SPTBN5: variants seen among roughly 807,000 people sequenced by gnomAD.
SPTBN5 encodes the protein spectrin beta, non-erythrocytic 5, also known as spectrin beta chain, non-erythrocytic 5.
A neutral mutation model predicts 477.6 loss-of-function variants in SPTBN5; 513 were observed. The ratio of observed to expected loss-of-function variants is 1.07; its 90% CI spans 1.00 to 1.16. The LOEUF (loss-of-function observed/expected upper bound fraction) is 1.16, where lower values mean the gene tolerates loss of function less well. Among genes scored for constraint, SPTBN5 ranks in the 50% most tolerant of loss-of-function variants. SPTBN5 has a pLI of 0.00. For missense variants in SPTBN5, 5,062 were observed against 4,731.8 expected (o/e 1.07, Z -2.05); for synonymous variants, 2,169 against 2,011.7 (o/e 1.08, Z -2.09).
rs1222090756 is a variant in SPTBN5, at chr15:41,874,480, TAGG to T, written c.4503-5_4503-3del. 3.1e-6 allele frequency: 5 copies of T among 1,600,934 alleles called. No individual in the cohort carries two copies. Among genetic ancestry groups the T allele is most frequent in the Middle Eastern group, 2.0e-4 (1 of 5,038 alleles). On this transcript the variant is annotated splice_region_variant and splice_polypyrimidine_tract_variant and intron_variant, in intron 23 of 67. Transcript: ENST00000320955. ...AGATGCCCCTGCAGAAGCTCCAGCC[TAGG>T]AGGAGGAGGAAGAGATTGGAGAGGT...
chr15:41,883,216 A>ACCTGGCCGGCT lies in SPTBN5; in HGVS notation c.1661_1671dup (p.Thr559ArgfsTer35). On this transcript the variant is annotated frameshift_variant, in exon 9 of 68. Transcript: ENST00000320955. LOFTEE classifies it high-confidence loss of function. The stretch of plus-strand genomic sequence containing the variant: ...GCCAGCTGCTGCCCACAGGCGGTGG[A>ACCTGGCCGGCT]CCTGGCCGGCTCCTGGCCAGAGATG... The ACCTGGCCGGCT allele has an allele frequency of 2.5e-6, 4 of 1,610,304 alleles. No homozygotes were observed. In the East Asian group the frequency reaches 8.9e-5, roughly 36 times the overall value.
rs764727047 is a variant in SPTBN5, at chr15:41,856,945, T to C, written c.8716A>G (p.Met2906Val). The C allele has an allele frequency of 2.5e-6, 4 of 1,583,016 alleles. No homozygotes were observed. The African/African-American group carries it at 4.0e-5, about 16-fold the overall frequency. The change falls in exon 52 of 68, where the codon ATG becomes GTG. Residue 2906 changes from methionine (M) to valine (V), a missense_variant. Met to Val is a conservative substitution (Grantham distance 21). Transcript: ENST00000320955. Reference sequence around the variant, plus strand: ...GGCAGCTTCTCCTGCACCCAGGCCATTTCCTCGTCGGCGTCCCTGAAGAAC... The same window carrying C: ...GGCAGCTTCTCCTGCACCCAGGCCACTTCCTCGTCGGCGTCCCTGAAGAAC... ...LKFFRDADEE[M>V]AWVQEKLPLA... is the part of the protein sequence containing the mutation.
intron 39 of SPTBN5, among the ~76,000 whole-genome samples, chr15:41,864,404 C>A (rs2066227571): frequency 6.6e-6 from 1 of 152,208 alleles, no homozygotes; most frequent in African/African-American, 2.4e-5. Flanking sequence ...ACCTCTACCT[C>A]CCTGGTTCAA....
intron 4 of SPTBN5, among the ~76,000 whole-genome samples, chr15:41,889,178 C>T (rs2067241057): frequency 1.3e-5 from 2 of 152,150 alleles, no homozygotes; most frequent in Non-Finnish European, 2.9e-5. Flanking sequence ...GGCTTGAGGT[C>T]AGTTAGAAAT....
intron 49 of SPTBN5, among the ~76,000 whole-genome samples, chr15:41,858,196 G>A (rs995998688): frequency 3.3e-5 from 5 of 152,186 alleles, no homozygotes; most frequent in Non-Finnish European, 7.3e-5. Context: ...TACTTGGGAG[G>A]CTGAGCTGGG....
chr15:41,856,288 G>A (rs530118296), intron 53 of SPTBN5, 98 bp downstream of exon 53: 40 of 1,151,804 alleles, frequency 3.5e-5, no homozygotes, highest in Middle Eastern at 3.0e-4. Flanking sequence ...TGGAGGAGAC[G>A]AAAGGTGCCC....
chr15:41,877,438 G>A (rs1181680834), intron 17 of SPTBN5, 82 bp from the exon 18 acceptor site: 22 of 1,506,810 alleles, frequency 1.5e-5, no homozygotes, highest in South Asian at 1.4e-4. Context: ...CAGGGTTCAC[G>A]CATCTTGGAT....
chr15:41,852,853 C>T lies in SPTBN5; in HGVS notation c.10318G>A (p.Glu3440Lys), dbSNP rs376635579. 1 of 1,607,330 alleles carries T rather than the reference C, an allele frequency of 6.2e-7. No homozygotes were observed. Among genetic ancestry groups the T allele is most frequent in the South Asian group, 1.1e-5 (1 of 90,746 alleles). Residue 3440 changes from glutamate (E) to lysine (K), a missense_variant, in exon 60 of 68, where the codon GAG becomes AAG. Physicochemically the swap from Glu to Lys is moderately conservative, Grantham distance 56. Coordinates refer to ENST00000320955, the MANE Select transcript of SPTBN5 (RefSeq NM_016642.4). Reference sequence around the variant, plus strand: ...TAGTCGGGCTTCAGCAGGAGTCCCTCCCAGCAGGCCAGCCAGGCCTCAGCC... The same window carrying T: ...TAGTCGGGCTTCAGCAGGAGTCCCTTCCAGCAGGCCAGCCAGGCCTCAGCC... ...EQAEAWLACWEGLLLKPDYGH... is the reference protein window; with the variant it reads ...EQAEAWLACWKGLLLKPDYGH...
chr15:41,882,938 A>G (rs2067022106), intron 9 of SPTBN5, 58 bp downstream of exon 9: 3 of 1,474,136 alleles, frequency 2.0e-6, no homozygotes, highest in Non-Finnish European at 1.8e-6. Context: ...TGGGCAGGAG[A>G]TAATTTGGGT....
intron 3 of SPTBN5, among the ~76,000 whole-genome samples, chr15:41,891,136 C>T (rs2067297540): frequency 6.6e-6 from 1 of 152,248 alleles, no homozygotes; most frequent in Non-Finnish European, 1.5e-5. Context: ...CAAATACACA[C>T]TCTCGATCCC....
chr15:41,852,768 T>TG, intron 60 of SPTBN5, 33 bp from the exon 61 acceptor site: 3 of 1,445,914 alleles, frequency 2.1e-6, no homozygotes, highest in South Asian at 1.3e-5. Flanking sequence ...GACGCCCAGC[T>TG]TGGGGGGGGG....
At chr15:41,872,184 A>G (rs907551305) in intron 27 of SPTBN5, 118 bp downstream of exon 27, 14 of 1,315,642 alleles carry the variant, frequency 1.1e-5, no homozygotes, top group Middle Eastern at 2.7e-4. Flanking sequence ...CCTTTTCCCA[A>G]TGCATCTCTA....
intron 67 of SPTBN5, among the ~76,000 whole-genome samples, chr15:41,849,073 A>G (rs969814872): frequency 1.3e-5 from 2 of 152,206 alleles, no homozygotes; most frequent in Non-Finnish European, 2.9e-5. Context: ...ACACGGCTGT[A>G]TATGCGTGTG....
chr15:41,868,932 A>G (rs1285733838), intron 32 of SPTBN5, among the ~76,000 whole-genome samples: 2 of 152,196 alleles, frequency 1.3e-5, no homozygotes, highest in Non-Finnish European at 2.9e-5. Context: ...CAGCCCCATC[A>G]AGACTGCTTG....
chr15:41,882,210 A>T, intron 11 of SPTBN5, 59 bp downstream of exon 11: 1 of 1,427,858 alleles, frequency 7.0e-7, no homozygotes, highest in Non-Finnish European at 9.2e-7. Context: ...AGGTGCTGGC[A>T]CCCCCACCCC....
chr15:41,857,197 G>T (rs1307814656), intron 51 of SPTBN5, 41 bp downstream of exon 51: 2 of 1,557,564 alleles, frequency 1.3e-6, no homozygotes, highest in Non-Finnish European at 8.7e-7. Context: ...GGTCCCTCCA[G>T]GAAGGCAGGG....
In SPTBN5 at chr15:41,852,410, G is replaced by A. The variant is rs1012762967; in HGVS notation, c.10450-94C>T. The A allele has an allele frequency of 1.1e-5, 16 of 1,457,434 alleles. No homozygotes were observed. In the East Asian group the frequency reaches 1.5e-4, roughly 13 times the overall value. 90.3% of individuals were successfully genotyped at this position (1,457,434 alleles called of 1,614,324 possible). On this transcript the variant is annotated intron_variant, in intron 61 of 67. Transcript: ENST00000320955. ...CTACCTCCCCTCCCCCAGCCCTCCCGGTCAGAGGGGGCCTGCCTCCCCATC... is the reference window on the plus strand; with the variant it reads ...CTACCTCCCCTCCCCCAGCCCTCCCAGTCAGAGGGGGCCTGCCTCCCCATC...
Position 41,853,685 on chromosome 15 carries a change from G to A in SPTBN5, c.9877C>T (p.Gln3293Ter). The A allele has an allele frequency of 6.2e-7, 1 of 1,602,994 alleles. No homozygotes were observed. Among genetic ancestry groups the A allele is most frequent in the East Asian group, 2.2e-5 (1 of 44,676 alleles). Residue 3293 changes from glutamine (Q) to a stop codon, truncating the protein, a stop_gained, in exon 58 of 68, where the codon CAG becomes TAG. Transcript: ENST00000320955. LOFTEE classifies it high-confidence loss of function. ...PAAPGGLAKVQEAWATLQAKA... is the reference protein window; with the variant it reads ...PAAPGGLAKV ...GCCTGCAGGGTGGCCCAGGCCTCCT[G>A]CACCTTGGCCAGGCCCCCCGGAGCT...
In SPTBN5 at chr15:41,861,921, G is replaced by A. The variant is rs780866599; in HGVS notation, c.7551C>T (p.Ala2517=). ...RMLEEHQECK[A]ELDSWTDSIS... ...TGCTGTCTGTCCAGGAGTCCAGCTC[G>A]GCCTGGAACAGGACTGGGCTCAGAT... The change falls in exon 45 of 68, where the codon GCC becomes GCT. Residue 2517 remains alanine (A), a splice_region_variant and synonymous_variant. Transcript: ENST00000320955. 1.9e-4 allele frequency: 301 copies of A among 1,600,092 alleles called. No individual in the cohort carries two copies. Among genetic ancestry groups the A allele is most frequent in the African/African-American group, 3.2e-4 (24 of 74,786 alleles).
Sources: gnomAD v4.1 joint callset for allele counts (sites outside exome capture counted in the v4.1 genomes callset) on GRCh38, gnomAD v4.1.1 for gene constraint, MANE v1.5 for transcripts, NCBI Gene and HGNC (gene_info 2026-07-23, HGNC 2026-07-21) for gene names.